PDGFC: variants seen among roughly 807,000 people sequenced by gnomAD.
PDGFC encodes platelet derived growth factor C, also known as platelet-derived growth factor C.
PDGFC carries 12 observed loss-of-function variants against 35.5 expected under a neutral mutation model. That is an observed-to-expected ratio of 0.34 (90% CI 0.22 to 0.55). The LOEUF (loss-of-function observed/expected upper bound fraction) is 0.55, where lower values mean the gene tolerates loss of function less well. Among genes scored for constraint, PDGFC ranks in the 20% least tolerant of loss-of-function variants. The pLI is 0.91. For synonymous variants in PDGFC, 159 were observed against 148.8 expected (o/e 1.07, Z -0.50); for missense variants, 322 against 412.4 (o/e 0.78, Z 1.90).
At chr4:156,797,300 G>A (rs1304962782) in intron 3 of PDGFC, among the ~76,000 whole-genome samples, 2 of 151,386 alleles carry the variant, frequency 1.3e-5, no homozygotes, top group Non-Finnish European at 2.9e-5. Context: ...GCTTAATTGA[G>A]CAAAAAAATA....
Position 156,763,099 on chromosome 4 carries a change from T to A in PDGFC, c.1029A>T (p.Thr343=). The stretch of plus-strand genomic sequence containing the variant: ...GCTGGTGGTGATGCGGCTATCCTCC[T>A]GTGCTCCCTCTGCACACACAGTCAC... ...EECDCVCRGS[T]GG The change falls in exon 6 of 6, where the codon ACA becomes ACT. Residue 343 remains threonine (T), a synonymous_variant. Coordinates refer to ENST00000502773, the MANE Select transcript of PDGFC (RefSeq NM_016205.3). The A allele has an allele frequency of 6.3e-7, 1 of 1,582,496 alleles. No homozygotes were observed. The highest frequency in any genetic ancestry group is 2.2e-5 in the East Asian group (1 of 44,712).
At chr4:156,851,695 G>T (rs1439021922) in intron 1 of PDGFC, among the ~76,000 whole-genome samples, 1 of 152,096 alleles carries the variant, frequency 6.6e-6, no homozygotes. Flanking sequence ...TGTAATCCCA[G>T]CACTTTGGGA....
At chr4:156,906,900 G>C (rs1730927287) in intron 1 of PDGFC, among the ~76,000 whole-genome samples, 1 of 152,060 alleles carries the variant, frequency 6.6e-6, no homozygotes, top group Non-Finnish European at 1.5e-5. Flanking sequence ...GCTTATGCTG[G>C]GATCTCAGCT....
intron 1 of PDGFC, among the ~76,000 whole-genome samples, chr4:156,945,009 A>T (rs1731904435): frequency 6.6e-6 from 1 of 151,930 alleles, no homozygotes; most frequent in African/African-American, 2.4e-5. Context: ...TCACCTTCTC[A>T]GTCAGCCCTC....
chr4:156,762,993 C>A lies in PDGFC; in HGVS notation c.*97G>T. On this transcript the variant is annotated 3_prime_UTR_variant, in exon 6 of 6. Coordinates refer to ENST00000502773, the MANE Select transcript of PDGFC (RefSeq NM_016205.3). ...GAAGATGAAAGGTCCTTGAAGCAAACAACTGAGATTAAGGATGGAGATAAC... is the reference window on the plus strand; with the variant it reads ...GAAGATGAAAGGTCCTTGAAGCAAAAAACTGAGATTAAGGATGGAGATAAC... 2 of 699,820 alleles carry A rather than the reference C, an allele frequency of 2.9e-6. No individual in the cohort carries two copies. The highest frequency in any genetic ancestry group is 1.7e-5 in the South Asian group (1 of 60,128). The allele number at this position is 699,820 out of a possible 1,614,324, so 43.4% of individuals were successfully genotyped here. A position where few individuals can be genotyped will look rare whatever the true frequency, so the allele number is the denominator to read the frequency against.
In PDGFC at chr4:156,850,260, T is replaced by A; in HGVS notation, c.275A>T (p.Glu92Val). The change falls in exon 2 of 6, where the codon GAA (glutamate) becomes GTA (valine). Residue 92 changes from glutamate to valine, a missense_variant. Physicochemically the swap from Glu to Val is moderately radical, Grantham distance 121 (BLOSUM62 -2). Around this residue, in one of 2 missense-constraint regions of PDGFC, gnomAD observed 120 missense variants for 116.6 expected, o/e 1.03. Transcript: ENST00000502773. The stretch of plus-strand genomic sequence containing the variant: ...TTCTGGGTCTTCAAGCCCAAATCTT[T>A]CATCAAACGTAAGTTGTATCCATAC... Reference protein sequence around the residue: ...ENVWIQLTFDERFGLEDPEDD... With the variant: ...ENVWIQLTFDVRFGLEDPEDD... 1 of 1,599,282 alleles carries A rather than the reference T, an allele frequency of 6.3e-7. No individual in the cohort carries two copies. The highest frequency in any genetic ancestry group is 8.5e-7 in the Non-Finnish European group (1 of 1,172,346).
rs115162561 is a variant in PDGFC at position 156,927,024 on chromosome 4, A to T, written c.118+43762T>A. Among the ~76,000 whole-genome samples, 889 of 152,324 alleles carry T rather than the reference A, an allele frequency of 5.8e-3. 14 individuals carry two copies. Among genetic ancestry groups the T allele is most frequent in the African/African-American group, 0.02 (849 of 41,586 alleles). On this transcript the variant is annotated intron_variant, in intron 1 of 5. Coordinates refer to ENST00000502773, the MANE Select transcript of PDGFC (RefSeq NM_016205.3). ...ATCTAGGTGGAGGTTCCCAAACCTC[A>T]ATTTTTGGCTTCTGCACACATGCAG... is the stretch of plus-strand genomic sequence containing the variant.
intron 1 of PDGFC, among the ~76,000 whole-genome samples, chr4:156,955,735 G>A (rs1183953172): frequency 6.6e-6 from 1 of 151,894 alleles, no homozygotes; most frequent in Non-Finnish European, 1.5e-5. Flanking sequence ...CATCAGCCAA[G>A]GTCCTTCAGT....
Position 156,971,534 on chromosome 4 carries a change from C to G in PDGFC, c.-631G>C. ...GGGCCGACGGCGGCCCGGGCGCAGG[C>G]GGAGAGAGGCCGCGGGGCTCCCGCT... On this transcript the variant is annotated 5_prime_UTR_variant, in exon 1 of 6. Transcript: ENST00000502773. 1 of 180,096 alleles carries G rather than the reference C, an allele frequency of 5.6e-6. No individual in the cohort carries two copies. Among genetic ancestry groups the G allele is most frequent in the Non-Finnish European group, 1.1e-5 (1 of 87,782 alleles). 11.2% of individuals were successfully genotyped at this position (180,096 alleles called of 1,614,324 possible).
chr4:156,914,975 T>A (rs540818176), intron 1 of PDGFC, among the ~76,000 whole-genome samples: 1 of 152,112 alleles, frequency 6.6e-6, no homozygotes. Flanking sequence ...TAAATTAGCA[T>A]CTTAATAAAA....
At chr4:156,832,073 C>T (rs1728949240) in intron 2 of PDGFC, among the ~76,000 whole-genome samples, 1 of 151,874 alleles carries the variant, frequency 6.6e-6, no homozygotes, top group Non-Finnish European at 1.5e-5. Context: ...TATGGAAATG[C>T]CATTATTACT....
chr4:156,857,028 T>C (rs1397865594), intron 1 of PDGFC, among the ~76,000 whole-genome samples: 1 of 151,902 alleles, frequency 6.6e-6, no homozygotes, highest in African/African-American at 2.4e-5. Context: ...AAATATGATC[T>C]ATTTGATAAT....
intron 4 of PDGFC, among the ~76,000 whole-genome samples, chr4:156,772,201 T>C (rs1730709961): frequency 6.6e-6 from 1 of 152,178 alleles, no homozygotes; most frequent in Non-Finnish European, 1.5e-5. Flanking sequence ...CCATTTTTCA[T>C]AGTTCTTAGA....
chr4:156,921,642 G>A (rs1246120144), intron 1 of PDGFC, among the ~76,000 whole-genome samples: 1 of 152,086 alleles, frequency 6.6e-6, no homozygotes, highest in Admixed American at 6.6e-5. Flanking sequence ...CCTTTACAAC[G>A]AAGCTTTTAG....
At chr4:156,964,431 G>T (rs1732416071) in intron 1 of PDGFC, among the ~76,000 whole-genome samples, 1 of 147,504 alleles carries the variant, frequency 6.8e-6, no homozygotes, top group African/African-American at 2.5e-5. Flanking sequence ...TATATATATA[G>T]TGATACTATA....
intron 1 of PDGFC, among the ~76,000 whole-genome samples, chr4:156,964,282 A>G (rs1732411807): frequency 6.6e-6 from 1 of 151,558 alleles, no homozygotes; most frequent in African/African-American, 2.4e-5. Flanking sequence ...TCCTTCATCT[A>G]TATACTTGCT....
At chr4:156,879,237 C>T (rs905706433) in intron 1 of PDGFC, among the ~76,000 whole-genome samples, 26 of 151,994 alleles carry the variant, frequency 1.7e-4, no homozygotes, top group African/African-American at 5.6e-4. Context: ...GAGGTTTGTC[C>T]CTGTTGGTTG....
chr4:156,905,294 T>C (rs1730886415), intron 1 of PDGFC, among the ~76,000 whole-genome samples: 2 of 152,134 alleles, frequency 1.3e-5, no homozygotes, highest in African/African-American at 4.8e-5. Context: ...ATGTCCCTTA[T>C]ATGACAGACA....
chr4:156,865,635 C>A (rs1415801573), intron 1 of PDGFC, among the ~76,000 whole-genome samples: 1 of 152,076 alleles, frequency 6.6e-6, no homozygotes, highest in Non-Finnish European at 1.5e-5. Context: ...AATTAGAAAA[C>A]TTCTAACTAG....
Sources: allele counts gnomAD v4.1 joint callset (sites outside exome capture counted in the v4.1 genomes callset), GRCh38; gene constraint gnomAD v4.1.1; regional missense constraint gnomAD v4.1.1; transcripts MANE v1.5; gene names NCBI Gene and HGNC (gene_info 2026-07-23, HGNC 2026-07-21).